The following MTMR10 variants were observed in gnomAD, a reference collection of about 807,000 sequenced individuals.
MTMR10 encodes myotubularin-related protein 10.
MTMR10 carries 56 observed loss-of-function variants against 88.1 expected under a neutral mutation model. The observed-to-expected ratio is 0.64, with a 90% CI of 0.51 to 0.79. The LOEUF (loss-of-function observed/expected upper bound fraction) is 0.79. Among genes scored for constraint, MTMR10 ranks in the 30% least tolerant of loss-of-function variants. The pLI, the probability that MTMR10 is intolerant of heterozygous loss-of-function variation, is 0.00. For missense variants in MTMR10, 883 were observed against 924.7 expected, an observed-to-expected ratio of 0.95 and a Z score of 0.58; for synonymous variants, 380 against 340.9, an observed-to-expected ratio of 1.11 and a Z score of -1.26.
downstream of MTMR10, among the ~76,000 whole-genome samples, chr15:30,936,055 ATG>A (rs551220597): frequency 1.3e-3 from 195 of 152,164 alleles, 1 homozygote; most frequent in African/African-American, 4.5e-3. Context: ...CTCTAATTAA[ATG>A]TCCCTTAGGC....
intron 6 of MTMR10, among the ~76,000 whole-genome samples, chr15:30,966,742 G>A: frequency 6.6e-6 from 1 of 151,666 alleles, no homozygotes; most frequent in East Asian, 1.9e-4. Context: ...TGTATATATC[G>A]ATAAGAAAAA....
Position 30,951,088 on chromosome 15 carries a change from T to C in MTMR10, c.1207+880A>G, listed in dbSNP as rs571449065. On this transcript the variant is annotated intron_variant, in intron 12 of 15. Coordinates refer to ENST00000435680, the MANE Select transcript of MTMR10 (RefSeq NM_017762.3). ...GTACAAAGGACCTACTACTGTATTATACGAAGGTAGTTTTTAGTCTATTGA... is the reference window on the plus strand; with the variant it reads ...GTACAAAGGACCTACTACTGTATTACACGAAGGTAGTTTTTAGTCTATTGA... 2.0e-5 allele frequency among the ~76,000 whole-genome samples: 3 copies of C among 152,366 alleles called. No homozygotes were observed. In the South Asian group the frequency reaches 6.2e-4, roughly 32 times the overall value.
the MTMR10 span, chr15:30,926,990 C>A: frequency 1.0e-6 from 1 of 985,422 alleles, no homozygotes; most frequent in Non-Finnish European, 1.2e-6. Flanking sequence ...TCACTTATAA[C>A]ACAAATGCAC....
At chr15:30,929,289 C>G in the MTMR10 span, 1 of 1,613,118 alleles carries the variant, frequency 6.2e-7, no homozygotes. Flanking sequence ...TTCATGATGC[C>G]CCCGAGGAGA....
intron 2 of MTMR10, among the ~76,000 whole-genome samples, chr15:30,987,482 G>A (rs2031012368): frequency 6.6e-6 from 1 of 152,118 alleles, no homozygotes; most frequent in Non-Finnish European, 1.5e-5. Flanking sequence ...AAAAGATGAG[G>A]ATCATTTTGA....
chr15:30,958,712 C>G, intron 9 of MTMR10, 151 bp downstream of exon 9: 1 of 726,088 alleles, frequency 1.4e-6, no homozygotes, highest in Non-Finnish European at 2.3e-6. Context: ...AATATTATCA[C>G]ATTCTTTTCA....
Position 30,940,111 on chromosome 15 carries a change from A to G in MTMR10, c.*1359T>C, listed in dbSNP as rs922910894. On this transcript the variant is annotated 3_prime_UTR_variant, in exon 16 of 16. Coordinates refer to ENST00000435680, the MANE Select transcript of MTMR10 (RefSeq NM_017762.3). ...AGACACTTTACTATAAAAATTTTCC[A>G]TATCTTAGGATGGCAGTTTAAGAAA... 1.2e-5 allele frequency: 12 copies of G among 985,336 alleles called. No individual in the cohort carries two copies. The highest frequency in any genetic ancestry group is 1.1e-4 in the East Asian group (1 of 8,814). The allele number at this position is 985,336 out of a possible 1,614,324, so 61.0% of individuals were successfully genotyped here. A position where few individuals can be genotyped will look rare whatever the true frequency, so the allele number is the denominator to read the frequency against.
At chr15:30,951,305 A>G (rs190373143) in intron 12 of MTMR10, among the ~76,000 whole-genome samples, 1 of 152,308 alleles carries the variant, frequency 6.6e-6, no homozygotes, top group African/African-American at 2.4e-5. Context: ...CATGAGCCAG[A>G]AGGTATTTAA....
At chr15:30,929,181 G>A in the MTMR10 span, 1 of 1,606,596 alleles carries the variant, frequency 6.2e-7, no homozygotes, top group East Asian at 2.3e-5. Flanking sequence ...CAGTATGACA[G>A]CTTGCTTTCC....
chr15:30,948,383 CTG>C lies in MTMR10; in HGVS notation c.1294_1295del (p.Gln432GlufsTer50). 6.2e-7 allele frequency: 1 copy of C among 1,613,734 alleles called. No individual in the cohort carries two copies. Among genetic ancestry groups the C allele is most frequent in the South Asian group, 1.1e-5 (1 of 91,044 alleles). On this transcript the variant is annotated frameshift_variant, in exon 13 of 16. Coordinates refer to ENST00000435680, the MANE Select transcript of MTMR10 (RefSeq NM_017762.3). LOFTEE classifies it high-confidence loss of function. ...TGACCCACTCCTTCTGTATCAGACT[CTG>C]AAATCCAGTAATTGTCCTAAAATAG... ...DPYFRTITGF[Q>X]SLIQKEWVMA...
At chr15:30,984,262 A>G (rs1480812061) in intron 2 of MTMR10, among the ~76,000 whole-genome samples, 1 of 152,180 alleles carries the variant, frequency 6.6e-6, no homozygotes, top group Non-Finnish European at 1.5e-5. Flanking sequence ...GGGTAAGAAA[A>G]TGCTGGCCTA....
At chr15:30,948,545 T>C in intron 12 of MTMR10, 74 bp from the exon 13 acceptor site, 2 of 1,446,448 alleles carry the variant, frequency 1.4e-6, no homozygotes, top group East Asian at 2.5e-5. Flanking sequence ...AAAGGTAAAC[T>C]AGATAATTTA....
intron 6 of MTMR10, chr15:30,966,175 A>G (rs945666367): frequency 1.2e-5 from 4 of 337,012 alleles, no homozygotes; most frequent in Admixed American, 7.3e-5. Context: ...GCATCCCTGA[A>G]TATTTTCAGT....
intron 6 of MTMR10, among the ~76,000 whole-genome samples, chr15:30,964,790 T>C (rs778861650): frequency 4.6e-5 from 7 of 152,212 alleles, no homozygotes; most frequent in Non-Finnish European, 8.8e-5. Context: ...GAAATAGATA[T>C]TATATGCTCC....
At chr15:30,991,282 C>T (rs1020641843) in intron 1 of MTMR10, 165 bp downstream of exon 1, 26 of 623,968 alleles carry the variant, frequency 4.2e-5, no homozygotes, top group African/African-American at 5.8e-5. Context: ...CCAGTGGGGG[C>T]TCCCGAGAAG....
In MTMR10 at chr15:30,940,390, G is replaced by GTGTT. The variant is rs745375495; in HGVS notation, c.*1076_*1079dup. 5 of 985,316 alleles carry GTGTT rather than the reference G, an allele frequency of 5.1e-6. No individual in the cohort carries two copies. The highest frequency in any genetic ancestry group is 3.5e-5 in the African/African-American group (2 of 57,236). The allele number at this position is 985,316 out of a possible 1,614,324, so 61.0% of individuals were successfully genotyped here. A position where few individuals can be genotyped will look rare whatever the true frequency, so the allele number is the denominator to read the frequency against. On this transcript the variant is annotated 3_prime_UTR_variant, in exon 16 of 16. Coordinates refer to ENST00000435680, the MANE Select transcript of MTMR10 (RefSeq NM_017762.3). ...CACTTCTGTCGCTATTCAAATGGCA[G>GTGTT]TGTTTTGAGAGAATCCATTTTTTTA...
intron 13 of MTMR10, 74 bp downstream of exon 13, chr15:30,948,228 T>A (rs2063198057): frequency 2.9e-6 from 4 of 1,388,862 alleles, no homozygotes; most frequent in Non-Finnish European, 3.9e-6. Context: ...TAAAAGCCCC[T>A]TCATCTTTTA....
rs753235517 is a variant in MTMR10, at chr15:30,976,803, T to C, written c.258+16A>G. The stretch of plus-strand genomic sequence containing the variant: ...GAAAGCCTGATAGAATGAAACAGTG[T>C]ACTAATAAAACACACCTGTAATGGC... On this transcript the variant is annotated intron_variant, in intron 3 of 15. Coordinates refer to ENST00000435680, the MANE Select transcript of MTMR10 (RefSeq NM_017762.3). 1.2e-6 allele frequency: 2 copies of C among 1,608,134 alleles called. No individual in the cohort carries two copies. Among genetic ancestry groups the C allele is most frequent in the East Asian group, 4.5e-5 (2 of 44,820 alleles).
chr15:30,949,201 A>T (rs2063210319), intron 12 of MTMR10: 1 of 152,226 alleles, frequency 6.6e-6, no homozygotes, highest in South Asian at 2.1e-4. Context: ...AAGTAAACAT[A>T]TTTAAACTGA....
Sources: gnomAD v4.1 joint callset for allele counts (sites outside exome capture counted in the v4.1 genomes callset) on GRCh38, gnomAD v4.1.1 for gene constraint, MANE v1.5 for transcripts, NCBI Gene and HGNC (gene_info 2026-07-23, HGNC 2026-07-21) for gene names.